DEPTOR: variants seen among roughly 807,000 people sequenced by gnomAD.
DEPTOR encodes DEP domain containing MTOR interacting protein.
DEPTOR carries 41 observed loss-of-function variants against 41.6 expected under a neutral mutation model. The ratio of observed to expected loss-of-function variants is 0.98; its 90% confidence interval spans 0.77 to 1.28. The LOEUF is 1.28. Among genes scored for constraint, DEPTOR ranks in the 50% most tolerant of loss-of-function variants. DEPTOR has a pLI of 0.00. For synonymous variants in DEPTOR, 195 were observed against 192.3 expected (o/e 1.01, Z -0.12); for missense variants, 514 against 527.9 (o/e 0.97, Z 0.26).
chr8:119,999,163 G>A (rs1218808467), intron 4 of DEPTOR, among the ~76,000 whole-genome samples: 1 of 151,816 alleles, frequency 6.6e-6, no homozygotes, highest in African/African-American at 2.4e-5. Context: ...CAGCTACTTC[G>A]GAGCCTGAGG....
chr8:120,030,497 GTTTTTTTTTTTTTTTT>G (rs1171655489), intron 8 of DEPTOR, among the ~76,000 whole-genome samples: 4 of 46,192 alleles, frequency 8.7e-5, no homozygotes, highest in Non-Finnish European at 1.1e-4. Context: ...AGGTTCATCA[GTTTTTTTTTTTTTTTT>G]TTTTTTTTTT....
At chr8:119,980,825 A>G (rs1159136941) in intron 4 of DEPTOR, among the ~76,000 whole-genome samples, 1 of 151,434 alleles carries the variant, frequency 6.6e-6, no homozygotes, top group Non-Finnish European at 1.5e-5. Context: ...GCCGCATTTC[A>G]TTTTTCAGTC....
intron 4 of DEPTOR, among the ~76,000 whole-genome samples, chr8:119,986,152 G>A (rs1046521631): frequency 2.6e-5 from 4 of 152,092 alleles, no homozygotes; most frequent in African/African-American, 9.7e-5. Context: ...GTATGTGTTT[G>A]CAGTGGCTCG....
intron 1 of DEPTOR, among the ~76,000 whole-genome samples, chr8:119,923,724 T>A: frequency 6.6e-6 from 1 of 152,136 alleles, no homozygotes; most frequent in East Asian, 1.9e-4. Flanking sequence ...GAATCCTTAT[T>A]TTCTTGACTT....
At chr8:119,918,435 CACCTTTATTTAT>C (rs1013976099) in intron 1 of DEPTOR, among the ~76,000 whole-genome samples, 3 of 92,266 alleles carry the variant, frequency 3.3e-5, no homozygotes, top group African/African-American at 9.9e-5. Context: ...TGGCATGGAC[CACCTTTATTTAT>C]TTATTTATTT....
intron 3 of DEPTOR, among the ~76,000 whole-genome samples, chr8:119,946,124 G>A (rs185789538): frequency 6.6e-6 from 1 of 152,270 alleles, no homozygotes. Flanking sequence ...CTTAATTGCA[G>A]TCCCTTCACA....
At chr8:120,015,284 A>C (rs1812591934) in intron 8 of DEPTOR, among the ~76,000 whole-genome samples, 1 of 152,138 alleles carries the variant, frequency 6.6e-6, no homozygotes, top group Admixed American at 6.5e-5. Flanking sequence ...GTTGTCCTTC[A>C]AGTCTCAGAT....
intron 4 of DEPTOR, among the ~76,000 whole-genome samples, chr8:119,980,820 ATTTCAT>A (rs1011456026): frequency 4.0e-5 from 6 of 151,854 alleles, no homozygotes; most frequent in African/African-American, 1.2e-4. Context: ...GCCCAGCCGC[ATTTCAT>A]TTTTCAGTCC....
intron 8 of DEPTOR, among the ~76,000 whole-genome samples, chr8:120,018,206 A>C (rs1812641445): frequency 6.6e-6 from 1 of 152,202 alleles, no homozygotes; most frequent in Non-Finnish European, 1.5e-5. Flanking sequence ...TTGTGAAGTA[A>C]CTATCCACAC....
chr8:119,949,881 T>C (rs1327375257), intron 3 of DEPTOR, among the ~76,000 whole-genome samples: 2 of 152,114 alleles, frequency 1.3e-5, no homozygotes, highest in Admixed American at 6.6e-5. Flanking sequence ...GGTTTCACTA[T>C]GTTGGCCCGG....
chr8:120,016,338 G>A (rs145444882), intron 8 of DEPTOR, among the ~76,000 whole-genome samples: 1 of 148,252 alleles, frequency 6.7e-6, no homozygotes, highest in East Asian at 2.0e-4. Flanking sequence ...CGCTCTTGTT[G>A]CCCAGGCTGA....
intron 1 of DEPTOR, among the ~76,000 whole-genome samples, chr8:119,923,648 TAA>T (rs1827926168): frequency 6.6e-6 from 1 of 152,242 alleles, no homozygotes; most frequent in African/African-American, 2.4e-5. Flanking sequence ...ATTTGCTTGA[TAA>T]ACTGTCTGAC....
chr8:119,996,593 T>C (rs890409182), intron 4 of DEPTOR, among the ~76,000 whole-genome samples: 9 of 152,192 alleles, frequency 5.9e-5, no homozygotes, highest in Admixed American at 2.0e-4. Flanking sequence ...AGACTGGATG[T>C]AAACTAAACA....
At chr8:119,896,117 A>G (rs1827517151) in intron 1 of DEPTOR, among the ~76,000 whole-genome samples, 2 of 152,096 alleles carry the variant, frequency 1.3e-5, no homozygotes, top group South Asian at 2.1e-4. Context: ...TTTTCTTTCA[A>G]CCTTCTCAAT....
At chr8:119,985,914 T>C (rs1211256652) in intron 4 of DEPTOR, among the ~76,000 whole-genome samples, 4 of 141,358 alleles carry the variant, frequency 2.8e-5, no homozygotes, top group African/African-American at 1.0e-4. Flanking sequence ...TTTGAGCCTA[T>C]GTGTGTCTTT....
intron 8 of DEPTOR, among the ~76,000 whole-genome samples, chr8:120,025,442 G>A (rs1812782818): frequency 1.3e-5 from 2 of 152,126 alleles, no homozygotes; most frequent in South Asian, 4.1e-4. Context: ...CTGTGAGAGA[G>A]AGAGAAATGA....
At chr8:119,883,332 G>A (rs1242789743) in intron 1 of DEPTOR, among the ~76,000 whole-genome samples, 3 of 151,818 alleles carry the variant, frequency 2.0e-5, no homozygotes, top group East Asian at 1.9e-4. Flanking sequence ...AACATTAGCC[G>A]GGTGTGGTGG....
At chr8:120,025,687 G>A (rs554795304) in intron 8 of DEPTOR, among the ~76,000 whole-genome samples, 12 of 152,078 alleles carry the variant, frequency 7.9e-5, no homozygotes, top group African/African-American at 2.9e-4. Flanking sequence ...AATGCTTCTC[G>A]AATGCATCTT....
chr8:119,936,560 A>G (rs1025532844), intron 3 of DEPTOR, among the ~76,000 whole-genome samples: 4 of 152,188 alleles, frequency 2.6e-5, no homozygotes, highest in African/African-American at 7.2e-5. Flanking sequence ...AATGGGGGAC[A>G]TGAGCTGTGG....
Sources: allele counts gnomAD v4.1 joint callset (sites outside exome capture counted in the v4.1 genomes callset), GRCh38; gene constraint gnomAD v4.1.1; transcripts MANE v1.5; gene names NCBI Gene and HGNC (gene_info 2026-07-23, HGNC 2026-07-21).